The following CHST1 variants were observed in gnomAD, a reference collection of about 807,000 sequenced individuals.
The protein encoded by CHST1 is carbohydrate sulfotransferase 1.
CHST1 carries 10 observed loss-of-function variants against 22.5 expected under a neutral mutation model. That is an observed-to-expected ratio of 0.44 (90% CI 0.27 to 0.75). The LOEUF is 0.75. Ranked by LOEUF, CHST1 falls within the 30% of genes least tolerant of loss-of-function variation. The pLI, the probability that CHST1 is intolerant of heterozygous loss-of-function variation, is 0.15. For missense variants in CHST1, 439 were observed against 576.1 expected, an observed-to-expected ratio of 0.76 and a Z score of 2.44; for synonymous variants, 267 against 264.5, an observed-to-expected ratio of 1.01 and a Z score of -0.09.
chr11:45,660,264 G>A (rs1053082309), intron 1 of CHST1, among the ~76,000 whole-genome samples: 2 of 152,182 alleles, frequency 1.3e-5, no homozygotes, highest in Non-Finnish European at 2.9e-5. Context: ...ACTCAGAAGT[G>A]GCAGGAAGAG....
At position 45,650,592 on chromosome 11, in the gene CHST1, G is replaced by A; in HGVS notation, c.332C>T (p.Ala111Val). 6.2e-7 allele frequency: 1 copy of A among 1,613,992 alleles called. No homozygotes were observed. The highest frequency in any genetic ancestry group is 8.5e-7 in the Non-Finnish European group (1 of 1,179,992). The change falls in exon 4 of 4, where the codon GCC (alanine) becomes GTC (valine). Residue 111 changes from alanine to valine, a missense_variant. Transcript: ENST00000308064. ...IPRFTQGKSPADRRVMLGASR... is the reference protein window; with the variant it reads ...IPRFTQGKSPVDRRVMLGASR... ...GGCGCCTAGCATGACCCGCCGGTCG[G>A]CCGGGCTCTTGCCCTGGGTGAAGCG...
intron 1 of CHST1, among the ~76,000 whole-genome samples, chr11:45,656,036 G>A (rs1852057853): frequency 6.6e-6 from 1 of 152,230 alleles, no homozygotes; most frequent in Non-Finnish European, 1.5e-5. Context: ...GCCAGGGGGT[G>A]GCGGCCCTAG....
intron 1 of CHST1, among the ~76,000 whole-genome samples, chr11:45,659,899 A>G (rs1195931818): frequency 6.6e-6 from 1 of 152,150 alleles, no homozygotes; most frequent in Non-Finnish European, 1.5e-5. Flanking sequence ...TCTAAGCCCA[A>G]AGCTTATCAC....
intron 1 of CHST1, among the ~76,000 whole-genome samples, chr11:45,659,090 G>A (rs1393748050): frequency 6.6e-6 from 1 of 152,186 alleles, no homozygotes; most frequent in African/African-American, 2.4e-5. Flanking sequence ...GGATGGAGGA[G>A]GCTGCCGACG....
At chr11:45,658,751 C>A (rs1236615042) in intron 1 of CHST1, among the ~76,000 whole-genome samples, 3 of 152,034 alleles carry the variant, frequency 2.0e-5, no homozygotes, top group African/African-American at 7.2e-5. Flanking sequence ...GTAGGCGGGA[C>A]TCTACAGCCC....
rs1291529266 is a variant in CHST1, at chr11:45,662,467, G to A, written c.-227+2711C>T. ...AAAAATGGCTGGCTGCTTCCCAGCGGGGGGTGTGCCGGGGCCGCTGGGGAG... is the reference window on the plus strand; with the variant it reads ...AAAAATGGCTGGCTGCTTCCCAGCGAGGGGTGTGCCGGGGCCGCTGGGGAG... On this transcript the variant is annotated intron_variant, in intron 1 of 3. Transcript: ENST00000308064. Among the ~76,000 whole-genome samples the A allele has an allele frequency of 2.6e-5, 4 of 152,328 alleles. No individual in the cohort carries two copies. The East Asian group carries it at 7.7e-4, about 29-fold the overall frequency.
rs776340776 is a variant in CHST1 at position 45,650,174 on chromosome 11, C to A, written c.750G>T (p.Thr250=). The change falls in exon 4 of 4, where the codon ACG becomes ACT. Residue 250 remains threonine, a synonymous_variant. Coordinates refer to ENST00000308064, the MANE Select transcript of CHST1 (RefSeq NM_003654.6). ...CGTACCAGAGCCGCCAGAGCCGGTACGTGTCGCGGAAGGTCTCGCTGCGCG... is the reference window on the plus strand; with the variant it reads ...CGTACCAGAGCCGCCAGAGCCGGTAAGTGTCGCGGAAGGTCTCGCTGCGCG... ...LASRSETFRD[T]YRLWRLWYGT... The A allele has an allele frequency of 6.2e-7, 1 of 1,613,202 alleles. No individual in the cohort carries two copies. Among genetic ancestry groups the A allele is most frequent in the East Asian group, 2.2e-5 (1 of 44,864 alleles).
rs908698135 is a variant in CHST1 at position 45,648,258 on chromosome 11, T to G, written c.*1430A>C. Reference sequence around the variant, plus strand: ...AGACCCACCAACTAAATGGGTAACATTTAGCACAAGAAGGGATTCCAGGAT... The same window carrying G: ...AGACCCACCAACTAAATGGGTAACAGTTAGCACAAGAAGGGATTCCAGGAT... On this transcript the variant is annotated 3_prime_UTR_variant, in exon 4 of 4. Coordinates refer to ENST00000308064, the MANE Select transcript of CHST1 (RefSeq NM_003654.6). 6.6e-6 allele frequency among the ~76,000 whole-genome samples: 1 copy of G among 152,178 alleles called. No homozygotes were observed. Among genetic ancestry groups the G allele is most frequent in the South Asian group, 2.1e-4 (1 of 4,820 alleles).
Position 45,650,606 on chromosome 11 carries a change from C to T in CHST1, c.318G>A (p.Gln106=), listed in dbSNP as rs1291040722. The change falls in exon 4 of 4, where the codon CAG becomes CAA. Residue 106 remains glutamine, a synonymous_variant. Coordinates refer to ENST00000308064, the MANE Select transcript of CHST1 (RefSeq NM_003654.6). ...CCCGCCGGTCGGCCGGGCTCTTGCC[C>T]TGGGTGAAGCGGGGGATGAGCGTGT... ...VQNTLIPRFT[Q]GKSPADRRVM... is the part of the protein sequence containing the mutation. The T allele has an allele frequency of 6.2e-7, 1 of 1,614,052 alleles. No homozygotes were observed. The highest frequency in any genetic ancestry group is 1.7e-5 in the Admixed American group (1 of 60,028).
chr11:45,648,837 C>T lies in CHST1; in HGVS notation c.*851G>A, dbSNP rs1192834822. ...GGAACACCCAGACCCGGCTGAGGCC[C>T]TCTCGTACCCATTCAGAATGTCCTG... On this transcript the variant is annotated 3_prime_UTR_variant, in exon 4 of 4. Transcript: ENST00000308064. The T allele has an allele frequency of 3.9e-5, 6 of 152,564 alleles. No individual in the cohort carries two copies. The highest frequency in any genetic ancestry group is 3.9e-4 in the Admixed American group (6 of 15,290). The allele number at this position is 152,564 out of a possible 1,614,324, so 9.5% of individuals were successfully genotyped here.
intron 1 of CHST1, among the ~76,000 whole-genome samples, chr11:45,657,812 A>G (rs1358039498): frequency 6.6e-6 from 1 of 152,192 alleles, no homozygotes; most frequent in Non-Finnish European, 1.5e-5. Flanking sequence ...CCCTCTCTCC[A>G]GAACCTGGAC....
intron 1 of CHST1, among the ~76,000 whole-genome samples, chr11:45,657,072 T>C (rs990299323): frequency 6.6e-5 from 10 of 152,014 alleles, no homozygotes; most frequent in South Asian, 2.1e-4. Context: ...GGAGCCATGA[T>C]GAATGGGGTC....
In CHST1 at chr11:45,649,146, A is replaced by T. The variant is rs1336054476; in HGVS notation, c.*542T>A. The T allele has an allele frequency of 2.6e-5, 4 of 153,150 alleles. No individual in the cohort carries two copies. Among genetic ancestry groups the T allele is most frequent in the African/African-American group, 9.7e-5 (4 of 41,396 alleles). The allele number at this position is 153,150 out of a possible 1,614,324, so 9.5% of individuals were successfully genotyped here. A position where few individuals can be genotyped will look rare whatever the true frequency, so the allele number is the denominator to read the frequency against. ...CACAGTAAAAACCTGCCTCACCGAC[A>T]GGCAAGGGCGGGCAGGAGGGGGCAG... On this transcript the variant is annotated 3_prime_UTR_variant, in exon 4 of 4. Transcript: ENST00000308064.
At chr11:45,664,338 G>A (rs45564632) in intron 1 of CHST1, among the ~76,000 whole-genome samples, 1,761 of 152,298 alleles carry the variant, frequency 0.012, 35 homozygotes, top group African/African-American at 0.037. Context: ...CGCTGCCGAA[G>A]AGCAGTTTTA....
At chr11:45,651,140 T>C (rs943602345) in intron 3 of CHST1, 175 bp from the exon 4 acceptor site, 25 of 441,528 alleles carry the variant, frequency 5.7e-5, no homozygotes, top group Non-Finnish European at 9.5e-5. Context: ...TCTGGGGGAC[T>C]CCTGGGAGCT....
Position 45,650,648 on chromosome 11 carries a change from G to A in CHST1, c.276C>T (p.Pro92=). ...TGAGCGTGTTCTGGACGTGGTAGAG[G>A]GGCTCAAACAGGTAGAAGACGTCCA... ...QHLDVFYLFE[P]LYHVQNTLIP... Residue 92 remains proline, a synonymous_variant, in exon 4 of 4, where the codon CCC becomes CCT. Transcript: ENST00000308064. 6.2e-7 allele frequency: 1 copy of A among 1,614,116 alleles called. No individual in the cohort carries two copies. The highest frequency in any genetic ancestry group is 8.5e-7 in the Non-Finnish European group (1 of 1,180,008).
At chr11:45,658,487 C>A (rs915052206) in intron 1 of CHST1, among the ~76,000 whole-genome samples, 18 of 152,194 alleles carry the variant, frequency 1.2e-4, no homozygotes, top group African/African-American at 4.3e-4. Context: ...TGGTTGGAGA[C>A]CCTGACTGTT....
Position 45,657,571 on chromosome 11 carries a change from C to T in CHST1, c.-226-4965G>A, listed in dbSNP as rs140981749. ...CTCTGTGCGTGTGCCACCATGAACT[C>T]GTCCTCAAGACTTTGTACCTAAGAA... On this transcript the variant is annotated intron_variant, in intron 1 of 3. Transcript: ENST00000308064. Among the ~76,000 whole-genome samples, 540 of 152,322 alleles carry T rather than the reference C, an allele frequency of 3.5e-3. 5 individuals carry two copies. The highest frequency in any genetic ancestry group is 0.012 in the African/African-American group (513 of 41,572).
intron 1 of CHST1, among the ~76,000 whole-genome samples, chr11:45,652,932 A>G (rs147517520): frequency 6.6e-6 from 1 of 152,328 alleles, no homozygotes; most frequent in African/African-American, 2.4e-5. Flanking sequence ...CAGCTTAAAC[A>G]TATTTGGCCT....
Sources: allele counts gnomAD v4.1 joint callset (sites outside exome capture counted in the v4.1 genomes callset), GRCh38; gene constraint gnomAD v4.1.1; transcripts MANE v1.5; gene names NCBI Gene and HGNC (gene_info 2026-07-23, HGNC 2026-07-21).